The following KIF25 variants were observed in gnomAD, a reference collection of about 807,000 sequenced individuals.
KIF25 encodes kinesin-like protein KIF25.
A neutral mutation model predicts 32.9 loss-of-function variants in KIF25; 19 were observed. The ratio of observed to expected loss-of-function variants is 0.58; its 90% confidence interval spans 0.40 to 0.85. KIF25 has a LOEUF of 0.85. Ranked by LOEUF, KIF25 falls within the 40% of genes least tolerant of loss-of-function variation. The pLI, the probability that KIF25 is intolerant of heterozygous loss-of-function variation, is 0.00. For synonymous variants in KIF25, 225 were observed against 213.7 expected (o/e 1.05, Z -0.46); for missense variants, 485 against 507.0 (o/e 0.96, Z 0.42).
At chr6:168,002,050 C>T (rs1798513248) in intron 2 of KIF25, among the ~76,000 whole-genome samples, 1 of 121,742 alleles carries the variant, frequency 8.2e-6, no homozygotes, top group African/African-American at 3.0e-5. Context: ...ACACCTGAGG[C>T]ATGGCCTCGG....
chr6:168,016,996 G>A (rs1798724045), intron 4 of KIF25, among the ~76,000 whole-genome samples: 1 of 152,228 alleles, frequency 6.6e-6, no homozygotes, highest in Admixed American at 6.5e-5. Context: ...GACAGGACAG[G>A]TTCACTATTT....
In KIF25 at chr6:168,039,382, A is replaced by G. The variant is rs115373580; in HGVS notation, c.494+653A>G. 9.9e-3 allele frequency among the ~76,000 whole-genome samples: 1,509 copies of G among 152,346 alleles called. 31 individuals carry two copies. Among genetic ancestry groups the G allele is most frequent in the African/African-American group, 0.035 (1,446 of 41,572 alleles). On this transcript the variant is annotated intron_variant, in intron 9 of 12. Transcript: ENST00000643607. ...ATCCCCCATATTAAGTATTTTCCTCAAAGTTCCCTATTGTCAAATCCACAT... is the reference window on the plus strand; with the variant it reads ...ATCCCCCATATTAAGTATTTTCCTCGAAGTTCCCTATTGTCAAATCCACAT...
intron 4 of KIF25, among the ~76,000 whole-genome samples, chr6:168,015,595 C>T (rs916395219): frequency 1.3e-4 from 20 of 152,116 alleles, no homozygotes; most frequent in Non-Finnish European, 7.3e-5. Flanking sequence ...GCAGTCCCAT[C>T]TTGAAAAGAA....
At chr6:168,041,356 A>G (rs986074752) in intron 10 of KIF25, among the ~76,000 whole-genome samples, 4 of 152,246 alleles carry the variant, frequency 2.6e-5, no homozygotes, top group African/African-American at 7.2e-5. Context: ...CTGGAAAGGC[A>G]CAGGCGTGTG....
At chr6:168,007,841 G>A (rs189676969) in intron 4 of KIF25, among the ~76,000 whole-genome samples, 1 of 152,280 alleles carries the variant, frequency 6.6e-6, no homozygotes, top group African/African-American at 2.4e-5. Flanking sequence ...CTGACTCATA[G>A]GTACCTTTTA....
intron 4 of KIF25, 95 bp downstream of exon 4, chr6:168,003,798 G>A (rs1309406753): frequency 6.6e-6 from 1 of 152,212 alleles, no homozygotes; most frequent in Non-Finnish European, 1.5e-5. Flanking sequence ...TCTTAGTTAA[G>A]AAGAGTTGTT....
chr6:168,000,237 T>C (rs1583120865), intron 2 of KIF25, among the ~76,000 whole-genome samples: 1 of 69,844 alleles, frequency 1.4e-5, no homozygotes, highest in Non-Finnish European at 2.7e-5. Flanking sequence ...CCCTCCCCAC[T>C]CCCATCCCGA....
rs1431241204 is a variant in KIF25, at chr6:168,013,828, G to GTGCC, written c.-162-4143_-162-4140dup. Among the ~76,000 whole-genome samples, 4 of 152,146 alleles carry GTGCC rather than the reference G, an allele frequency of 2.6e-5. No homozygotes were observed. In the East Asian group the frequency reaches 7.8e-4, roughly 30 times the overall value. ...CTTCCTGGACTTCCGGTCAACACAG[G>GTGCC]TGCCTCTCCACTCCCATGCTGCACT... is the stretch of plus-strand genomic sequence containing the variant. On this transcript the variant is annotated intron_variant, in intron 4 of 12. Transcript: ENST00000643607.
chr6:168,035,908 C>T, intron 8 of KIF25: 1 of 400,626 alleles, frequency 2.5e-6, no homozygotes, highest in East Asian at 7.5e-5. Context: ...TCATCACATC[C>T]ACACACGACC....
intron 5 of KIF25, among the ~76,000 whole-genome samples, 163 bp downstream of exon 5, chr6:168,018,203 G>A (rs1798742126): frequency 6.6e-6 from 1 of 152,130 alleles, no homozygotes; most frequent in African/African-American, 2.4e-5. Flanking sequence ...CTTTAGGAAG[G>A]TGTGAAAGAG....
rs752520655 is a variant in KIF25, at chr6:168,042,143, A to G, written c.821A>G (p.Glu274Gly). Residue 274 changes from glutamate to glycine, a missense_variant, in exon 11 of 13, where the codon GAG (glutamate) becomes GGG (glycine). Physicochemically the swap from Glu to Gly is moderately conservative, Grantham distance 98 (BLOSUM62 -2). Transcript: ENST00000643607. ...CAGCTCGTGGACTCGGCCGGCAGCGAGTGCGTTGGTGAGCAGGGGCAGGCA... is the reference window on the plus strand; with the variant it reads ...CAGCTCGTGGACTCGGCCGGCAGCGGGTGCGTTGGTGAGCAGGGGCAGGCA... ...RLQLVDSAGSECVGVSGVTGL... is the reference protein window; with the variant it reads ...RLQLVDSAGSGCVGVSGVTGL... 5 of 1,549,048 alleles carry G rather than the reference A, an allele frequency of 3.2e-6. No individual in the cohort carries two copies. The highest frequency in any genetic ancestry group is 2.6e-6 in the Non-Finnish European group (3 of 1,146,780).
chr6:168,001,038 G>T (rs1275662389), intron 2 of KIF25, among the ~76,000 whole-genome samples: 1 of 152,252 alleles, frequency 6.6e-6, no homozygotes, highest in East Asian at 1.9e-4. Context: ...GTTTAGACAT[G>T]ATTGTGCTGG....
chr6:168,027,040 G>T (rs747869608), intron 5 of KIF25, among the ~76,000 whole-genome samples: 5 of 152,172 alleles, frequency 3.3e-5, no homozygotes, highest in Non-Finnish European at 5.9e-5. Context: ...ACCGTTCCCA[G>T]GAGGCTGCGC....
intron 5 of KIF25, among the ~76,000 whole-genome samples, chr6:168,027,076 A>G (rs998733653): frequency 6.6e-6 from 1 of 152,170 alleles, no homozygotes. Flanking sequence ...CCAACACAGC[A>G]GTGGGGCAGG....
At chr6:168,030,236 A>G (rs186598864) in intron 6 of KIF25, among the ~76,000 whole-genome samples, 64 of 152,348 alleles carry the variant, frequency 4.2e-4, no homozygotes, top group African/African-American at 1.5e-3. Flanking sequence ...TATCAATTCA[A>G]GTTCTGCTGA....
chr6:168,015,928 G>T (rs557127224), intron 4 of KIF25, among the ~76,000 whole-genome samples: 200 of 152,234 alleles, frequency 1.3e-3, no homozygotes, highest in African/African-American at 4.7e-3. Context: ...AGACCTTTGT[G>T]GTTTTCGTTT....
chr6:168,019,976 A>G (rs1254421261), intron 5 of KIF25, among the ~76,000 whole-genome samples: 1 of 152,132 alleles, frequency 6.6e-6, no homozygotes, highest in Non-Finnish European at 1.5e-5. Context: ...TACCAAAAAT[A>G]CAAAAATTAG....
At chr6:168,029,444 C>A in intron 5 of KIF25, 48 bp from the exon 6 acceptor site, 4 of 1,293,492 alleles carry the variant, frequency 3.1e-6, no homozygotes, top group Non-Finnish European at 4.2e-6. Context: ...CATGTTAAGG[C>A]ATGGTCGTGG....
intron 8 of KIF25, among the ~76,000 whole-genome samples, chr6:168,035,360 G>C (rs946165589): frequency 8.5e-6 from 1 of 117,780 alleles, no homozygotes; most frequent in Non-Finnish European, 1.8e-5. Context: ...CCACGGCTGC[G>C]TTTCCGTTTG....
Sources: gnomAD v4.1 joint callset for allele counts (sites outside exome capture counted in the v4.1 genomes callset) on GRCh38, gnomAD v4.1.1 for gene constraint, MANE v1.5 for transcripts, NCBI Gene and HGNC (gene_info 2026-07-23, HGNC 2026-07-21) for gene names.